Variants in MSRA observed in about 807,000 individuals in gnomAD.
MSRA encodes the protein methionine sulfoxide reductase A.
A neutral mutation model predicts 31.3 loss-of-function variants in MSRA; 54 were observed. The observed-to-expected ratio is 1.73, with a 90% confidence interval of 1.39 to 2.17. The LOEUF (loss-of-function observed/expected upper bound fraction) is 2.17, where lower values mean the gene tolerates loss of function less well. MSRA is among the 30% of genes most tolerant of loss of function. The pLI is 0.00. For missense variants in MSRA, 507 were observed against 300.9 expected (o/e 1.69, Z -5.07); for synonymous variants, 169 against 116.5 (o/e 1.45, Z -2.90).
chr8:10,283,834 T>TAC lies in MSRA; in HGVS notation c.332-17699_332-17698insCA, dbSNP rs1481715144. 8.0e-3 allele frequency among the ~76,000 whole-genome samples: 569 copies of TAC among 71,034 alleles called. 3 individuals carry two copies. Among genetic ancestry groups the TAC allele is most frequent in the Non-Finnish European group, 0.012 (444 of 38,078 alleles). 46.6% of individuals were successfully genotyped at this position (71,034 alleles called of 152,430 possible). On this transcript the variant is annotated intron_variant, in intron 3 of 5. Coordinates refer to ENST00000317173, the MANE Select transcript of MSRA (RefSeq NM_012331.5). The stretch of plus-strand genomic sequence containing the variant: ...ATATATATATATATATATATATATA[T>TAC]ATACACACACACACACACACACACA...
chr8:10,173,596 G>T (rs375768066), intron 1 of MSRA, among the ~76,000 whole-genome samples: 1 of 152,080 alleles, frequency 6.6e-6, no homozygotes. Context: ...CACCTCAAAC[G>T]TATGCTCAGC....
chr8:10,104,921 T>G (rs953084994), intron 1 of MSRA, among the ~76,000 whole-genome samples: 4 of 152,226 alleles, frequency 2.6e-5, no homozygotes, highest in African/African-American at 9.6e-5. Flanking sequence ...TCAATGTTCT[T>G]GTCTCACTGT....
At chr8:10,056,198 C>CG (rs758159873) in intron 1 of MSRA, among the ~76,000 whole-genome samples, 1 of 91,018 alleles carries the variant, frequency 1.1e-5, no homozygotes, top group African/African-American at 4.4e-5. Context: ...TCCCATACAC[C>CG]AAAAAAAAAA....
At chr8:10,337,866 G>T (rs1322445089) in intron 5 of MSRA, 3 of 699,186 alleles carry the variant, frequency 4.3e-6, no homozygotes, top group Non-Finnish European at 7.8e-6. Flanking sequence ...TTTGTAAAGT[G>T]GTCCTCACAA....
At chr8:10,315,913 C>T (rs1801685899) in intron 4 of MSRA, among the ~76,000 whole-genome samples, 1 of 152,178 alleles carries the variant, frequency 6.6e-6, no homozygotes, top group Non-Finnish European at 1.5e-5. Context: ...TTTACACAAA[C>T]AAAATTCACA....
intron 1 of MSRA, among the ~76,000 whole-genome samples, chr8:10,118,337 C>T (rs1380212760): frequency 6.6e-6 from 1 of 152,122 alleles, no homozygotes; most frequent in Non-Finnish European, 1.5e-5. Flanking sequence ...ATGGGAAGTG[C>T]TATGGGGAAG....
In MSRA at chr8:10,353,916, A is replaced by G. The variant is rs1037270769; in HGVS notation, c.543+33927A>G. 13 of 218,986 alleles carry G rather than the reference A, an allele frequency of 5.9e-5. No homozygotes were observed. In the Admixed American group the frequency reaches 6.9e-4, roughly 12 times the overall value. The allele number at this position is 218,986 out of a possible 1,614,324, so 13.6% of individuals were successfully genotyped here. On this transcript the variant is annotated intron_variant, in intron 5 of 5. Coordinates refer to ENST00000317173, the MANE Select transcript of MSRA (RefSeq NM_012331.5). ...ATGAAGGAAAGGGCTTTAAGGATAC[A>G]AAGGACCTTATTATGGAAGGAAAGC... is the stretch of plus-strand genomic sequence containing the variant.
intron 1 of MSRA, among the ~76,000 whole-genome samples, chr8:10,113,289 C>CTTTTTTTTTTTT (rs1467440154): frequency 0.18 from 8,977 of 50,564 alleles, 3,706 homozygotes; most frequent in Non-Finnish European, 0.2. Context: ...GAAGACAGGT[C>CTTTTTTTTTTTT]TTCTTTTTTT....
intron 5 of MSRA, among the ~76,000 whole-genome samples, chr8:10,371,216 G>A (rs1386702691): frequency 6.6e-6 from 1 of 152,244 alleles, no homozygotes; most frequent in East Asian, 1.9e-4. Flanking sequence ...GTACCAACAG[G>A]CATTTGAAAG....
chr8:10,315,327 C>T (rs577342255), intron 4 of MSRA, among the ~76,000 whole-genome samples: 1 of 152,106 alleles, frequency 6.6e-6, no homozygotes. Flanking sequence ...TTGCAAAAAC[C>T]AGGTGTGGTA....
chr8:10,191,620 G>A (rs186765283), intron 1 of MSRA, among the ~76,000 whole-genome samples: 1 of 152,278 alleles, frequency 6.6e-6, no homozygotes, highest in Admixed American at 6.5e-5. Context: ...GCACACGAGG[G>A]AACAAAGTTT....
At position 10,074,195 on chromosome 8, in the gene MSRA, G is replaced by A. The variant is rs1285027476; in HGVS notation, c.142+19537G>A. On this transcript the variant is annotated intron_variant, in intron 1 of 5. Coordinates refer to ENST00000317173, the MANE Select transcript of MSRA (RefSeq NM_012331.5). Reference sequence around the variant, plus strand: ...CCTCCAGGGTTCATACCATTTTCCTGCCTTATCCTCCCGAGTACCTGGGAC... The same window carrying A: ...CCTCCAGGGTTCATACCATTTTCCTACCTTATCCTCCCGAGTACCTGGGAC... Among the ~76,000 whole-genome samples the A allele has an allele frequency of 2.1e-5, 3 of 146,198 alleles. No homozygotes were observed. In the East Asian group the frequency reaches 6.2e-4, roughly 30 times the overall value.
rs149150734 is a variant in MSRA at position 10,091,971 on chromosome 8, A to G, written c.142+37313A>G. Among the ~76,000 whole-genome samples the G allele has an allele frequency of 1.3e-3, 204 of 152,220 alleles. 1 individual carries two copies. Among genetic ancestry groups the G allele is most frequent in the African/African-American group, 4.7e-3 (196 of 41,532 alleles). On this transcript the variant is annotated intron_variant, in intron 1 of 5. Coordinates refer to ENST00000317173, the MANE Select transcript of MSRA (RefSeq NM_012331.5). ...TTTTCCATAATGGCTGTATTAATTC[A>G]TATTCCTTTCAATGGTGTAGATGGT...
At chr8:10,198,539 C>A (rs376714896) in intron 1 of MSRA, among the ~76,000 whole-genome samples, 4 of 152,256 alleles carry the variant, frequency 2.6e-5, no homozygotes, top group African/African-American at 9.6e-5. Context: ...CTCTGGAATT[C>A]TTTGTCTCAA....
intron 1 of MSRA, among the ~76,000 whole-genome samples, chr8:10,115,764 C>A (rs766115294): frequency 1.3e-5 from 2 of 152,150 alleles, no homozygotes; most frequent in Non-Finnish European, 1.5e-5. Context: ...AGGGCAAGGA[C>A]GTCATCTTAG....
chr8:10,205,524 G>C (rs1380017103), intron 1 of MSRA, among the ~76,000 whole-genome samples: 1 of 152,158 alleles, frequency 6.6e-6, no homozygotes, highest in East Asian at 1.9e-4. Flanking sequence ...GTCAGATAGG[G>C]TGCACTTTGG....
At chr8:10,194,432 G>C (rs1249646539) in intron 1 of MSRA, among the ~76,000 whole-genome samples, 1 of 152,152 alleles carries the variant, frequency 6.6e-6, no homozygotes, top group Non-Finnish European at 1.5e-5. Context: ...CAGGTGTGGT[G>C]GCAGCCACCT....
chr8:10,230,233 G>A (rs1294139888), intron 2 of MSRA, among the ~76,000 whole-genome samples: 1 of 152,230 alleles, frequency 6.6e-6, no homozygotes, highest in East Asian at 1.9e-4. Flanking sequence ...ACGTGCCTGA[G>A]TTAAGGGGGT....
At chr8:10,391,049 G>A (rs537012448) in intron 5 of MSRA, among the ~76,000 whole-genome samples, 17 of 151,504 alleles carry the variant, frequency 1.1e-4, no homozygotes, top group African/African-American at 3.9e-4. Context: ...ATTCTCAAAT[G>A]TACTTCACGT....
Sources: allele counts gnomAD v4.1 joint callset (sites outside exome capture counted in the v4.1 genomes callset), GRCh38; gene constraint gnomAD v4.1.1; transcripts MANE v1.5; gene names NCBI Gene and HGNC (gene_info 2026-07-23, HGNC 2026-07-21).